Variants in FRMD4A observed in about 807,000 individuals in gnomAD.
FRMD4A encodes FERM domain-containing protein 4A.
A neutral mutation model predicts 129.1 loss-of-function variants in FRMD4A; 29 were observed. That is an observed-to-expected ratio of 0.22 (90% CI 0.17 to 0.31). The LOEUF is 0.31. FRMD4A is among the 10% of genes least tolerant of loss of function. The pLI, the probability that FRMD4A is intolerant of heterozygous loss-of-function variation, is 1.00. For missense variants in FRMD4A, 1,272 were observed against 1,375.8 expected, an observed-to-expected ratio of 0.92 and a Z score of 1.19; for synonymous variants, 634 against 571.6, an observed-to-expected ratio of 1.11 and a Z score of -1.56.
chr10:14,237,561 C>T (rs928455016), intron 2 of FRMD4A, among the ~76,000 whole-genome samples: 2 of 152,146 alleles, frequency 1.3e-5, no homozygotes, highest in African/African-American at 2.4e-5. Context: ...GAACTCCTGA[C>T]CTCAACTGAT....
At chr10:14,278,018 C>A (rs1369294257) in intron 2 of FRMD4A, among the ~76,000 whole-genome samples, 3 of 152,218 alleles carry the variant, frequency 2.0e-5, no homozygotes, top group Non-Finnish European at 4.4e-5. Context: ...TCCCAACTGA[C>A]ATCTGGCCTG....
chr10:13,977,192 G>T (rs181521638), intron 2 of FRMD4A, among the ~76,000 whole-genome samples: 3 of 152,338 alleles, frequency 2.0e-5, no homozygotes, highest in Admixed American at 6.5e-5. Context: ...GTAGAAAGCA[G>T]ATTTCTTTTG....
intron 2 of FRMD4A, among the ~76,000 whole-genome samples, chr10:14,093,634 T>C (rs558984361): frequency 1.8e-4 from 27 of 152,372 alleles, no homozygotes; most frequent in Middle Eastern, 3.4e-3. Flanking sequence ...AATATGTTTA[T>C]GGACAATAAA....
chr10:14,142,073 A>G (rs1316338000), intron 2 of FRMD4A, among the ~76,000 whole-genome samples: 1 of 151,970 alleles, frequency 6.6e-6, no homozygotes, highest in Non-Finnish European at 1.5e-5. Flanking sequence ...ATATGACAAA[A>G]CTCTAATAAA....
chr10:13,737,869 T>C lies in FRMD4A; in HGVS notation c.734A>G (p.Tyr245Cys). 1 of 1,600,682 alleles carries C rather than the reference T, an allele frequency of 6.2e-7. No individual in the cohort carries two copies. The highest frequency in any genetic ancestry group is 8.6e-7 in the Non-Finnish European group (1 of 1,167,932). ...LSYKGIFQYD[Y>C]HDKVKPRKIF... The stretch of plus-strand genomic sequence containing the variant: ...CTTTCTTGGCTTCACTTTATCATGG[T>C]AGTCATACTGGAAGATCCCTTTGTA... The change falls in exon 12 of 25, where the codon TAC becomes TGC. Residue 245 changes from tyrosine to cysteine, a missense_variant. By Grantham distance (194) the Tyr-to-Cys change is radical. Around this residue, in one of 2 missense-constraint regions of FRMD4A, gnomAD observed 300 missense variants for 483.6 expected, o/e 0.62. Coordinates refer to ENST00000357447, the MANE Select transcript of FRMD4A (RefSeq NM_018027.5).
At chr10:14,212,967 TG>T (rs1486584678) in intron 2 of FRMD4A, among the ~76,000 whole-genome samples, 1 of 152,238 alleles carries the variant, frequency 6.6e-6, no homozygotes, top group Non-Finnish European at 1.5e-5. Flanking sequence ...TCAGATGCAG[TG>T]GCTCACGCCT....
intron 2 of FRMD4A, among the ~76,000 whole-genome samples, chr10:14,042,215 A>G (rs904982585): frequency 2.0e-4 from 30 of 152,224 alleles, no homozygotes; most frequent in African/African-American, 6.5e-4. Flanking sequence ...ATACTGGTCC[A>G]AGCAAGCATT....
intron 2 of FRMD4A, among the ~76,000 whole-genome samples, chr10:14,243,916 G>C (rs1010713451): frequency 4.0e-5 from 6 of 151,538 alleles, no homozygotes; most frequent in African/African-American, 1.5e-4. Context: ...GCCCTCAGTT[G>C]TATATCTAAA....
chr10:13,844,267 C>G (rs1588994332), intron 3 of FRMD4A, among the ~76,000 whole-genome samples: 2 of 152,038 alleles, frequency 1.3e-5, no homozygotes, highest in Non-Finnish European at 2.9e-5. Flanking sequence ...ATATGTTAAA[C>G]CAATGTTTAA....
chr10:13,922,135 C>A (rs1243641098), intron 2 of FRMD4A, among the ~76,000 whole-genome samples: 1 of 152,194 alleles, frequency 6.6e-6, no homozygotes, highest in South Asian at 2.1e-4. Context: ...GGAATGGAAT[C>A]TGCTGGCATC....
intron 2 of FRMD4A, among the ~76,000 whole-genome samples, chr10:13,942,076 G>A (rs2095296983): frequency 6.6e-6 from 1 of 152,146 alleles, no homozygotes; most frequent in South Asian, 2.1e-4. Flanking sequence ...ACCGCGCCCT[G>A]TTCCAGGCCC....
At chr10:14,235,943 T>C (rs375288992) in intron 2 of FRMD4A, among the ~76,000 whole-genome samples, 4 of 152,240 alleles carry the variant, frequency 2.6e-5, no homozygotes, top group African/African-American at 9.6e-5. Flanking sequence ...TATTTAAAGA[T>C]GCAGCAACCT....
At chr10:13,711,447 C>T (rs1394091980) in intron 12 of FRMD4A, among the ~76,000 whole-genome samples, 2 of 152,246 alleles carry the variant, frequency 1.3e-5, no homozygotes, top group South Asian at 2.1e-4. Context: ...CCCGAGCTTG[C>T]GCTGGCTCAG....
At chr10:13,770,882 C>T (rs868472661) in intron 6 of FRMD4A, among the ~76,000 whole-genome samples, 4 of 152,258 alleles carry the variant, frequency 2.6e-5, no homozygotes, top group African/African-American at 7.2e-5. Context: ...ATGCTCTAAA[C>T]CTGCAGATAT....
At chr10:13,850,642 A>G (rs2094128286) in intron 3 of FRMD4A, among the ~76,000 whole-genome samples, 1 of 152,214 alleles carries the variant, frequency 6.6e-6, no homozygotes, top group African/African-American at 2.4e-5. Context: ...GCCATCGTTT[A>G]TGGCTCTGGT....
chr10:13,707,208 T>C, intron 12 of FRMD4A, 95 bp from the exon 13 acceptor site: 1 of 882,600 alleles, frequency 1.1e-6, no homozygotes, highest in South Asian at 1.4e-5. Context: ...GCTGGCAGTT[T>C]CCTTATCAAA....
chr10:13,864,272 A>G (rs1179962800), intron 2 of FRMD4A, among the ~76,000 whole-genome samples: 1 of 149,988 alleles, frequency 6.7e-6, no homozygotes, highest in Non-Finnish European at 1.5e-5. Flanking sequence ...CTAGGATTAT[A>G]GGCATGAGCC....
chr10:13,809,055 G>A (rs560916391), intron 4 of FRMD4A, among the ~76,000 whole-genome samples: 1 of 152,356 alleles, frequency 6.6e-6, no homozygotes, highest in South Asian at 2.1e-4. Context: ...CAGACATGGA[G>A]TGTACCAGCT....
chr10:14,125,214 C>G (rs1564315880), intron 2 of FRMD4A, among the ~76,000 whole-genome samples: 1 of 152,154 alleles, frequency 6.6e-6, no homozygotes, highest in African/African-American at 2.4e-5. Flanking sequence ...TGGCAGCTTG[C>G]CTCTCTGTTC....
Sources: gnomAD v4.1 joint callset for allele counts (sites outside exome capture counted in the v4.1 genomes callset) on GRCh38, gnomAD v4.1.1 for gene constraint, gnomAD v4.1.1 regional missense constraint, MANE v1.5 for transcripts, NCBI Gene and HGNC (gene_info 2026-07-23, HGNC 2026-07-21) for gene names.